MASP1: variants seen among roughly 807,000 people sequenced by gnomAD.
MASP1 encodes MBL associated serine protease 1.
A neutral mutation model predicts 77.1 loss-of-function variants in MASP1; 59 were observed. That is an observed-to-expected ratio of 0.77 (90% CI 0.62 to 0.95). MASP1 has a LOEUF of 0.95. Among genes scored for constraint, MASP1 ranks in the 40% least tolerant of loss-of-function variants. The probability of loss-of-function intolerance (pLI) is 0.00; values close to 1 mark genes in which losing one functional copy is unlikely to be tolerated. For synonymous variants in MASP1, 362 were observed against 354.5 expected, an observed-to-expected ratio of 1.02 and a Z score of -0.24; for missense variants, 885 against 912.9, an observed-to-expected ratio of 0.97 and a Z score of 0.39.
At chr3:187,270,187 T>G (rs1230958902) in intron 2 of MASP1, among the ~76,000 whole-genome samples, 1 of 152,242 alleles carries the variant, frequency 6.6e-6, no homozygotes, top group African/African-American at 2.4e-5. Context: ...AATTTAGGCC[T>G]CAAGGGACCT....
rs944645273 is a variant in MASP1 at position 187,263,095 on chromosome 3, C to A, written c.238-375G>T. 2.1e-5 allele frequency: 6 copies of A among 282,390 alleles called. No individual in the cohort carries two copies. In the South Asian group the frequency reaches 2.3e-4, roughly 11 times the overall value. The allele number at this position is 282,390 out of a possible 1,614,324, so 17.5% of individuals were successfully genotyped here. On this transcript the variant is annotated intron_variant, in intron 2 of 10. Transcript: ENST00000296280. Reference sequence around the variant, plus strand: ...TTCCAAAGAATGGAAACTGTATACACAATATAAGTCATTCATTGAGTATCC... The same window carrying A: ...TTCCAAAGAATGGAAACTGTATACAAAATATAAGTCATTCATTGAGTATCC...
Position 187,241,470 on chromosome 3 carries a change from G to A in MASP1, c.1303+11C>T, listed in dbSNP as rs376239932. ...AAAACTGTGAGGCAAAGGATTTGGA[G>A]GGTGAGGTACCTGGAAGGCAGGTGG... On this transcript the variant is annotated intron_variant, in intron 10 of 10. Coordinates refer to ENST00000296280, the MANE Select transcript of MASP1 (RefSeq NM_139125.4). 32 of 1,612,222 alleles carry A rather than the reference G, an allele frequency of 2.0e-5. No individual in the cohort carries two copies. In the African/African-American group the frequency reaches 3.3e-4, roughly 17 times the overall value.
In MASP1 at chr3:187,235,196, A is replaced by G. The variant is rs1256841055; in HGVS notation, c.*488T>C. ...ACCTGAATGCTCTTCTCCTAGAGGA[A>G]GGATTAGGCCAAGGCTAGTCCCAGA... On this transcript the variant is annotated 3_prime_UTR_variant, in exon 11 of 11. Coordinates refer to ENST00000296280, the MANE Select transcript of MASP1 (RefSeq NM_139125.4). 1 of 1,288,088 alleles carries G rather than the reference A, an allele frequency of 7.8e-7. No homozygotes were observed. The highest frequency in any genetic ancestry group is 1.0e-6 in the Non-Finnish European group (1 of 989,364). The allele number at this position is 1,288,088 out of a possible 1,614,324, so 79.8% of individuals were successfully genotyped here.
Position 187,234,328 on chromosome 3 carries a change from G to A in MASP1, c.*1356C>T, listed in dbSNP as rs143566496. 2 of 1,287,250 alleles carry A rather than the reference G, an allele frequency of 1.6e-6. No homozygotes were observed. The highest frequency in any genetic ancestry group is 3.0e-5 in the African/African-American group (2 of 65,928). 79.7% of individuals were successfully genotyped at this position (1,287,250 alleles called of 1,614,324 possible). A position where few individuals can be genotyped will look rare whatever the true frequency, so the allele number is the denominator to read the frequency against. On this transcript the variant is annotated 3_prime_UTR_variant, in exon 11 of 11. Transcript: ENST00000296280. ...CTGATGGAGATTTTCAGGAGAGAGA[G>A]CTCCAGGGAGAAGGAGAACAATCAG...
chr3:187,274,966 G>A (rs371546473), intron 2 of MASP1, among the ~76,000 whole-genome samples: 1 of 152,056 alleles, frequency 6.6e-6, no homozygotes, highest in Non-Finnish European at 1.5e-5. Context: ...CTGGGCTTGG[G>A]GGGTGGGGTG....
intron 4 of MASP1, 29 bp downstream of exon 4, chr3:187,260,712 C>A: frequency 6.2e-7 from 1 of 1,614,088 alleles, no homozygotes; most frequent in Non-Finnish European, 8.5e-7. Context: ...CCTATAAGGG[C>A]AATGCATACA....
intron 4 of MASP1, 32 bp from the exon 5 acceptor site, chr3:187,256,892 T>A: frequency 1.3e-6 from 2 of 1,588,834 alleles, no homozygotes; most frequent in Non-Finnish European, 1.7e-6. Flanking sequence ...AAATGGCGCA[T>A]CGCAACCACA....
chr3:187,220,990 C>T (rs757929168), intron 15 of MASP1: 50 of 1,529,002 alleles, frequency 3.3e-5, no homozygotes, highest in Non-Finnish European at 4.5e-5. Context: ...CTGCACCACT[C>T]CCTGGCTGGC....
downstream of MASP1, chr3:187,230,013 C>A (rs850317): frequency 8.6e-7 from 1 of 1,167,416 alleles, no homozygotes; most frequent in African/African-American, 1.5e-5. Flanking sequence ...GCTCCTCCAC[C>A]ATTAATTGAC....
At position 187,235,180 on chromosome 3, in the gene MASP1, C is replaced by T. The variant is rs1713043372; in HGVS notation, c.*504G>A. On this transcript the variant is annotated 3_prime_UTR_variant, in exon 11 of 11. Coordinates refer to ENST00000296280, the MANE Select transcript of MASP1 (RefSeq NM_139125.4). ...TGAGCCATCTCCCAAAACCTGAATG[C>T]TCTTCTCCTAGAGGAAGGATTAGGC... 7.8e-7 allele frequency: 1 copy of T among 1,287,788 alleles called. No individual in the cohort carries two copies. Among genetic ancestry groups the T allele is most frequent in the Non-Finnish European group, 1.0e-6 (1 of 989,162 alleles). 79.8% of individuals were successfully genotyped at this position (1,287,788 alleles called of 1,614,324 possible).
At chr3:187,253,126 T>A in intron 6 of MASP1, 42 bp downstream of exon 6, 1 of 1,612,144 alleles carries the variant, frequency 6.2e-7, no homozygotes, top group Non-Finnish European at 8.5e-7. Flanking sequence ...CTGCAAGGGC[T>A]AAGCACAGCA....
At chr3:187,245,199 T>C (rs1355069) in intron 8 of MASP1, among the ~76,000 whole-genome samples, 39,901 of 152,134 alleles carry the variant, frequency 0.26, 6,509 homozygotes, top group African/African-American at 0.45. Context: ...GCAATAATAT[T>C]TATTATTTAA....
chr3:187,271,678 A>G (rs1716529791), intron 2 of MASP1, among the ~76,000 whole-genome samples: 1 of 152,234 alleles, frequency 6.6e-6, no homozygotes, highest in South Asian at 2.1e-4. Flanking sequence ...ACATTTAAAA[A>G]GAAACTTGAG....
rs1206426177 is a variant in MASP1, at chr3:187,235,398, T to C, written c.*286A>G. On this transcript the variant is annotated 3_prime_UTR_variant, in exon 11 of 11. Transcript: ENST00000296280. ...ATGGCCTGGAAAGGAGTGCTGGGAT[T>C]GGCACAGAGGCCTTGGTTGAGCTCC... 1.4e-6 allele frequency: 2 copies of C among 1,464,376 alleles called. No homozygotes were observed. The highest frequency in any genetic ancestry group is 4.1e-5 in the Admixed American group (2 of 48,730). The allele number at this position is 1,464,376 out of a possible 1,614,324, so 90.7% of individuals were successfully genotyped here.
At chr3:187,275,139 A>T (rs1381619750) in intron 2 of MASP1, among the ~76,000 whole-genome samples, 1 of 152,204 alleles carries the variant, frequency 6.6e-6, no homozygotes, top group African/African-American at 2.4e-5. Context: ...CTGGGCCCCA[A>T]ACAGTTCAGG....
rs149323399 is a variant in MASP1 at position 187,234,482 on chromosome 3, A to AT, written c.*1201dup. The AT allele has an allele frequency of 7.8e-7, 1 of 1,286,320 alleles. No individual in the cohort carries two copies. The highest frequency in any genetic ancestry group is 1.0e-6 in the Non-Finnish European group (1 of 987,874). The allele number at this position is 1,286,320 out of a possible 1,614,324, so 79.7% of individuals were successfully genotyped here. On this transcript the variant is annotated 3_prime_UTR_variant, in exon 11 of 11. Transcript: ENST00000296280. ...ACCAGAGACTCAGACAAAGAAAATGATTTTTCAAAGGTTATACAGCCAGTT... is the reference window on the plus strand; with the variant it reads ...ACCAGAGACTCAGACAAAGAAAATGATTTTTTCAAAGGTTATACAGCCAGTT...
In MASP1 at chr3:187,285,982, A is replaced by T; in HGVS notation, c.80T>A (p.Met27Lys). The T allele has an allele frequency of 1.9e-6, 3 of 1,614,224 alleles. No homozygotes were observed. Among genetic ancestry groups the T allele is most frequent in the Non-Finnish European group, 1.7e-6 (2 of 1,180,044 alleles). ...ACCAGGCGACTGGATCTGGCCAAAC[A>T]TATTGTTTAGCTCCACGGTGTGGGC... ...ASAHTVELNN[M>K]FGQIQSPGYP... The change falls in exon 2 of 11, where the codon ATG becomes AAG. Residue 27 changes from methionine (M) to lysine (K), a missense_variant. By Grantham distance (95) the Met-to-Lys change is moderately conservative. Coordinates refer to ENST00000296280, the MANE Select transcript of MASP1 (RefSeq NM_139125.4).
At chr3:187,232,237 C>G (rs569655563), downstream of MASP1, among the ~76,000 whole-genome samples, 3,881 of 151,780 alleles carry the variant, frequency 0.026, 93 homozygotes, top group Middle Eastern at 0.058. Context: ...CCCCCCCCCC[C>G]CTTTTTTTTT....
At chr3:187,271,753 C>A (rs1716539400) in intron 2 of MASP1, among the ~76,000 whole-genome samples, 1 of 152,078 alleles carries the variant, frequency 6.6e-6, no homozygotes. Flanking sequence ...AGTCAACAAA[C>A]AAGGGGAGCA....
Sources: gnomAD v4.1 joint callset for allele counts (sites outside exome capture counted in the v4.1 genomes callset) on GRCh38, gnomAD v4.1.1 for gene constraint, MANE v1.5 for transcripts, NCBI Gene and HGNC (gene_info 2026-07-23, HGNC 2026-07-21) for gene names.